The following KIAA1549L variants were observed in gnomAD, a reference collection of about 807,000 sequenced individuals.
The protein encoded by KIAA1549L is UPF0606 protein KIAA1549L.
KIAA1549L carries 88 observed loss-of-function variants against 160.7 expected under a neutral mutation model. The observed-to-expected ratio is 0.55, with a 90% CI of 0.46 to 0.65. KIAA1549L has a LOEUF of 0.65. Among genes scored for constraint, KIAA1549L ranks in the 30% least tolerant of loss-of-function variants. The pLI is 0.00. For missense variants in KIAA1549L, 2,258 were observed against 2,437.5 expected, an observed-to-expected ratio of 0.93 and a Z score of 1.55; for synonymous variants, 950 against 976.7, an observed-to-expected ratio of 0.97 and a Z score of 0.51.
At chr11:33,487,720 C>T (rs56285800) in intron 1 of KIAA1549L, among the ~76,000 whole-genome samples, 2,826 of 152,156 alleles carry the variant, frequency 0.019, 79 homozygotes, top group African/African-American at 0.062. Flanking sequence ...TCAGTATTTT[C>T]CGGAAGTTTT....
intron 16 of KIAA1549L, among the ~76,000 whole-genome samples, chr11:33,622,637 C>G (rs970559925): frequency 6.6e-6 from 1 of 152,134 alleles, no homozygotes; most frequent in Non-Finnish European, 1.5e-5. Flanking sequence ...CCACAACCTC[C>G]TGGAACGCCA....
At chr11:33,496,947 C>T (rs1489881416) in intron 1 of KIAA1549L, among the ~76,000 whole-genome samples, 1 of 152,188 alleles carries the variant, frequency 6.6e-6, no homozygotes, top group Non-Finnish European at 1.5e-5. Flanking sequence ...AGCCTCCTTT[C>T]AACCTCATTT....
chr11:33,641,527 G>T (rs1851578418), intron 16 of KIAA1549L, among the ~76,000 whole-genome samples: 1 of 116,942 alleles, frequency 8.6e-6, no homozygotes, highest in African/African-American at 3.4e-5. Flanking sequence ...ACAGAAATTT[G>T]TTTGACTCTG....
intron 11 of KIAA1549L, among the ~76,000 whole-genome samples, chr11:33,584,885 G>A (rs537705545): frequency 9.8e-5 from 15 of 152,312 alleles, no homozygotes; most frequent in African/African-American, 3.4e-4. Context: ...ACCAGTGCAG[G>A]AATGAAATAG....
chr11:33,435,773 T>TACACAC lies in KIAA1549L; in HGVS notation c.238+58885_238+58886insCACACA, dbSNP rs764163021. Among the ~76,000 whole-genome samples, 27 of 9,388 alleles carry TACACAC rather than the reference T, an allele frequency of 2.9e-3. 3 individuals are homozygous for TACACAC. The highest frequency in any genetic ancestry group is 6.8e-3 in the East Asian group (2 of 292). 6.2% of individuals were successfully genotyped at this position (9,388 alleles called of 152,430 possible). Reference sequence around the variant, plus strand: ...AGAACCAATAAGATATATATATATATATATATATATATATATATATATATA... The same window carrying TACACAC: ...AGAACCAATAAGATATATATATATATACACACATATATATATATATATATATATATA... On this transcript the variant is annotated intron_variant, in intron 1 of 20. Transcript: ENST00000658780.
At chr11:33,394,238 T>G (rs531317097) in intron 1 of KIAA1549L, among the ~76,000 whole-genome samples, 75 of 151,860 alleles carry the variant, frequency 4.9e-4, no homozygotes, top group Non-Finnish European at 8.5e-4. Flanking sequence ...AAACAAAAAT[T>G]AGCTTGGTGT....
chr11:33,613,026 T>C (rs1164604090), intron 15 of KIAA1549L, among the ~76,000 whole-genome samples: 1 of 152,232 alleles, frequency 6.6e-6, no homozygotes, highest in African/African-American at 2.4e-5. Context: ...TTAGGTTGAT[T>C]CCATATCTTT....
chr11:33,647,925 C>T (rs908545528), intron 17 of KIAA1549L, among the ~76,000 whole-genome samples: 1 of 152,176 alleles, frequency 6.6e-6, no homozygotes, highest in African/African-American at 2.4e-5. Flanking sequence ...AAGCCACCTA[C>T]AGTGGAAAAG....
intron 15 of KIAA1549L, among the ~76,000 whole-genome samples, chr11:33,613,330 T>C (rs2133336447): frequency 6.6e-6 from 1 of 152,356 alleles, no homozygotes; most frequent in East Asian, 1.9e-4. Context: ...CATTTTGGTT[T>C]TGATTTGCGT....
intron 11 of KIAA1549L, among the ~76,000 whole-genome samples, chr11:33,589,472 T>C (rs1849982096): frequency 6.6e-6 from 1 of 152,222 alleles, no homozygotes; most frequent in Non-Finnish European, 1.5e-5. Flanking sequence ...CGTATGTTTA[T>C]TGCGGCACTA....
At chr11:33,406,393 C>T (rs1033737418) in intron 1 of KIAA1549L, among the ~76,000 whole-genome samples, 15 of 152,320 alleles carry the variant, frequency 9.8e-5, no homozygotes, top group African/African-American at 2.6e-4. Flanking sequence ...GGCCATATGG[C>T]AACACCAGTG....
At chr11:33,550,002 C>CA (rs1298441657) in intron 4 of KIAA1549L, among the ~76,000 whole-genome samples, 7 of 117,828 alleles carry the variant, frequency 5.9e-5, no homozygotes, top group Admixed American at 1.8e-4. Context: ...AAGACCCTGT[C>CA]AAAAAAACAA....
In KIAA1549L at chr11:33,432,285, C is replaced by CT. The variant is rs570188691; in HGVS notation, c.238+55397dup. Among the ~76,000 whole-genome samples the CT allele has an allele frequency of 1.6e-3, 251 of 152,368 alleles. 3 individuals carry two copies. The highest frequency in any genetic ancestry group is 2.8e-3 in the Non-Finnish European group (189 of 68,032). On this transcript the variant is annotated intron_variant, in intron 1 of 20. Transcript: ENST00000658780. The stretch of plus-strand genomic sequence containing the variant: ...CGAGAGCAAACGAGGGCTGTGAGGA[C>CT]TGCCAGCACACTGTCACCTCTCAGC...
In KIAA1549L at chr11:33,656,088, T is replaced by C. The variant is rs1450974630; in HGVS notation, c.5837T>C (p.Val1946Ala). 1 of 1,613,484 alleles carries C rather than the reference T, an allele frequency of 6.2e-7. No individual in the cohort carries two copies. The highest frequency in any genetic ancestry group is 1.3e-5 in the African/African-American group (1 of 74,912). Residue 1946 changes from valine to alanine, a missense_variant, in exon 18 of 21, where the codon GTG (valine) becomes GCG (alanine). Val to Ala is a moderately conservative substitution (Grantham distance 64). This residue lies in a region of KIAA1549L where 1,359 missense variants were observed against 1,546.6 expected (regional missense o/e 0.88). Transcript: ENST00000658780. ...CCCGTACCTCCCCGGACTGGTCCTG[T>C]GGCTGTCGCTTCTCTCAGGCGGTAA... ...PPPVPPRTGP[V>A]AVASLRRSTS...
At chr11:33,574,967 G>A in intron 10 of KIAA1549L, 94 bp downstream of exon 10, 1 of 1,057,472 alleles carries the variant, frequency 9.5e-7, no homozygotes, top group South Asian at 1.5e-5. Context: ...AATGGTCTCA[G>A]AGCTAAACAT....
At chr11:33,667,760 A>G in intron 20 of KIAA1549L, 113 bp from the exon 21 acceptor site, 1 of 870,102 alleles carries the variant, frequency 1.1e-6, no homozygotes. Context: ...ATTTTCTTCT[A>G]AGTTCTCTTC....
intron 1 of KIAA1549L, among the ~76,000 whole-genome samples, chr11:33,483,068 C>T (rs778983863): frequency 6.6e-6 from 1 of 152,056 alleles, no homozygotes; most frequent in Non-Finnish European, 1.5e-5. Flanking sequence ...CATTTTCTCT[C>T]CTCCTTTTCC....
chr11:33,550,807 A>G (rs1337119970), intron 4 of KIAA1549L, among the ~76,000 whole-genome samples: 5 of 152,212 alleles, frequency 3.3e-5, no homozygotes, highest in Non-Finnish European at 4.4e-5. Context: ...AAAGATACAG[A>G]TTTAATTCTA....
intron 1 of KIAA1549L, among the ~76,000 whole-genome samples, chr11:33,420,235 GTT>G (rs35430385): frequency 1.1e-4 from 5 of 46,314 alleles, no homozygotes; most frequent in East Asian, 7.8e-4. Flanking sequence ...TTTTTTTTTT[GTT>G]TTTTTTTTTT....
Sources: gnomAD v4.1 joint callset for allele counts (sites outside exome capture counted in the v4.1 genomes callset) on GRCh38, gnomAD v4.1.1 for gene constraint, gnomAD v4.1.1 regional missense constraint, MANE v1.5 for transcripts, NCBI Gene and HGNC (gene_info 2026-07-23, HGNC 2026-07-21) for gene names.